The following FOXP2 variants were observed in gnomAD, a reference collection of about 807,000 sequenced individuals.
The protein encoded by FOXP2 is forkhead box protein P2.
A neutral mutation model predicts 115.8 loss-of-function variants in FOXP2; 12 were observed. The ratio of observed to expected loss-of-function variants is 0.10; its 90% CI spans 0.07 to 0.17. The LOEUF (loss-of-function observed/expected upper bound fraction) is 0.17. Ranked by LOEUF, FOXP2 falls within the 10% of genes least tolerant of loss-of-function variation. The pLI, the probability that FOXP2 is intolerant of heterozygous loss-of-function variation, is 1.00. For synonymous variants in FOXP2, 328 were observed against 297.7 expected, an observed-to-expected ratio of 1.10 and a Z score of -1.05; for missense variants, 629 against 843.5, an observed-to-expected ratio of 0.75 and a Z score of 3.15.
intron 3 of FOXP2, among the ~76,000 whole-genome samples, chr7:114,590,452 G>A (rs1359647679): frequency 6.6e-6 from 1 of 152,102 alleles, no homozygotes; most frequent in Non-Finnish European, 1.5e-5. Flanking sequence ...CCCTCACAGG[G>A]TTATAGTGAT....
chr7:114,649,905 GA>G (rs1806141761), intron 8 of FOXP2, among the ~76,000 whole-genome samples: 2 of 152,048 alleles, frequency 1.3e-5, no homozygotes, highest in Admixed American at 6.6e-5. Context: ...ATGTGTCCTC[GA>G]AAAGTGCTTT....
chr7:114,314,445 T>C (rs1797224643), intron 2 of FOXP2, among the ~76,000 whole-genome samples: 1 of 152,074 alleles, frequency 6.6e-6, no homozygotes, highest in South Asian at 2.1e-4. Flanking sequence ...AGTGTATGGA[T>C]CATAGACCTA....
intron 1 of FOXP2, among the ~76,000 whole-genome samples, chr7:114,121,095 TTA>T (rs1252021705): frequency 6.6e-6 from 1 of 152,082 alleles, no homozygotes; most frequent in Non-Finnish European, 1.5e-5. Flanking sequence ...CCTCCAAAAA[TTA>T]TATGTTGAAA....
intron 2 of FOXP2, among the ~76,000 whole-genome samples, chr7:114,382,738 A>C (rs1166972638): frequency 1.3e-5 from 2 of 152,174 alleles, no homozygotes; most frequent in Admixed American, 1.3e-4. Flanking sequence ...TAATGTCTGC[A>C]GCTAACTGAG....
intron 3 of FOXP2, among the ~76,000 whole-genome samples, chr7:114,618,089 C>G (rs1316683548): frequency 1.3e-5 from 2 of 152,176 alleles, no homozygotes; most frequent in African/African-American, 4.8e-5. Context: ...TCTGCCATTT[C>G]TTCCTGTGCA....
intron 16 of FOXP2, chr7:114,666,103 T>G (rs550644157): frequency 1.8e-4 from 28 of 152,188 alleles, no homozygotes; most frequent in Middle Eastern, 6.8e-3. Context: ...GTCCAGTATA[T>G]TGCTGCTATG....
chr7:114,663,310 C>T, intron 14 of FOXP2, 140 bp from the exon 15 acceptor site: 2 of 631,348 alleles, frequency 3.2e-6, no homozygotes, highest in Non-Finnish European at 5.6e-6. Flanking sequence ...ACTCTATTAC[C>T]TTATTTTTGT....
intron 2 of FOXP2, among the ~76,000 whole-genome samples, chr7:114,293,277 G>T (rs1796654642): frequency 6.6e-6 from 1 of 151,908 alleles, no homozygotes; most frequent in African/African-American, 2.4e-5. Flanking sequence ...CCTCTCTCTT[G>T]CCTCTATCTC....
intron 2 of FOXP2, among the ~76,000 whole-genome samples, chr7:114,487,324 C>G (rs991986561): frequency 6.6e-6 from 1 of 152,150 alleles, no homozygotes; most frequent in African/African-American, 2.4e-5. Context: ...CGCTGGGATG[C>G]AGGGCACCAA....
intron 2 of FOXP2, among the ~76,000 whole-genome samples, chr7:114,325,711 G>A (rs950467392): frequency 1.3e-5 from 2 of 151,972 alleles, no homozygotes; most frequent in Non-Finnish European, 2.9e-5. Flanking sequence ...AGCTAGAATA[G>A]GAATGGATCA....
At chr7:114,232,999 G>A (rs1158148361) in intron 1 of FOXP2, among the ~76,000 whole-genome samples, 2 of 152,188 alleles carry the variant, frequency 1.3e-5, no homozygotes, top group Non-Finnish European at 2.9e-5. Context: ...CATGGTGGGT[G>A]CAGGAGCTAT....
chr7:114,559,888 TAA>T, intron 3 of FOXP2, among the ~76,000 whole-genome samples: 1 of 147,814 alleles, frequency 6.8e-6, no homozygotes, highest in Middle Eastern at 3.6e-3. Flanking sequence ...GATTCCATCT[TAA>T]AAAAAAAAAA....
chr7:114,452,921 A>T (rs1000237385), intron 2 of FOXP2, among the ~76,000 whole-genome samples: 1 of 152,024 alleles, frequency 6.6e-6, no homozygotes. Context: ...AGTCTAAGAG[A>T]CTTATGTTAA....
At chr7:114,260,665 T>G (rs922873428) in intron 1 of FOXP2, among the ~76,000 whole-genome samples, 4 of 152,106 alleles carry the variant, frequency 2.6e-5, no homozygotes, top group African/African-American at 4.8e-5. Flanking sequence ...CAACTAAGGA[T>G]TTTTTACTTT....
At chr7:114,389,483 G>A (rs555275515) in intron 2 of FOXP2, among the ~76,000 whole-genome samples, 33 of 152,316 alleles carry the variant, frequency 2.2e-4, no homozygotes, top group Admixed American at 1.4e-3. Context: ...AAAACTGAGA[G>A]TGCTAAGTAA....
At chr7:114,664,710 A>T in intron 16 of FOXP2, 1 of 453,150 alleles carries the variant, frequency 2.2e-6, no homozygotes. Context: ...GCAGTGTCTA[A>T]GATGAATCTA....
At chr7:114,552,164 A>G (rs1800240683) in intron 3 of FOXP2, among the ~76,000 whole-genome samples, 1 of 152,178 alleles carries the variant, frequency 6.6e-6, no homozygotes, top group African/African-American at 2.4e-5. Flanking sequence ...CTATTTTTAA[A>G]TGTGAGATTG....
At chr7:114,632,646 T>G (rs1232960411) in intron 6 of FOXP2, among the ~76,000 whole-genome samples, 2 of 152,178 alleles carry the variant, frequency 1.3e-5, no homozygotes, top group Non-Finnish European at 2.9e-5. Context: ...ATCAGGAGTA[T>G]CGTGGTAATG....
intron 1 of FOXP2, among the ~76,000 whole-genome samples, chr7:114,146,990 TC>T (rs1321478995): frequency 2.0e-5 from 3 of 152,108 alleles, no homozygotes; most frequent in Non-Finnish European, 4.4e-5. Context: ...ACCCCTCAAA[TC>T]CAGCAAAAAT....
Sources: gnomAD v4.1 joint callset for allele counts (sites outside exome capture counted in the v4.1 genomes callset) on GRCh38, gnomAD v4.1.1 for gene constraint, MANE v1.5 for transcripts, NCBI Gene and HGNC (gene_info 2026-07-23, HGNC 2026-07-21) for gene names.